The following NELL2 variants were observed in gnomAD, a reference collection of about 807,000 sequenced individuals.
NELL2 encodes the protein protein kinase C-binding protein NELL2.
Under a neutral mutation model 109.6 loss-of-function variants are expected in NELL2, and 41 were observed. The ratio of observed to expected loss-of-function variants is 0.37; its 90% CI spans 0.29 to 0.49. The LOEUF (loss-of-function observed/expected upper bound fraction) is 0.49. NELL2 is among the 20% of genes least tolerant of loss of function. The probability of loss-of-function intolerance (pLI) is 0.98; values close to 1 mark genes in which losing one functional copy is unlikely to be tolerated. For synonymous variants in NELL2, 355 were observed against 344.7 expected, an observed-to-expected ratio of 1.03 and a Z score of -0.33; for missense variants, 900 against 1,008.3, an observed-to-expected ratio of 0.89 and a Z score of 1.45.
At chr12:44,665,680 G>C in intron 12 of NELL2, 71 bp from the exon 13 acceptor site, 1 of 1,456,604 alleles carries the variant, frequency 6.9e-7, no homozygotes, top group Non-Finnish European at 9.2e-7. Flanking sequence ...ATTTTCTTTG[G>C]TAGGGAGAGG....
intron 2 of NELL2, among the ~76,000 whole-genome samples, chr12:44,851,164 A>G (rs1185742896): frequency 6.6e-6 from 1 of 152,150 alleles, no homozygotes; most frequent in African/African-American, 2.4e-5. Context: ...TTATTGCTTT[A>G]TAATAGAAAC....
intron 9 of NELL2, among the ~76,000 whole-genome samples, chr12:44,752,914 A>G (rs1940716098): frequency 6.6e-6 from 1 of 152,120 alleles, no homozygotes; most frequent in African/African-American, 2.4e-5. Flanking sequence ...ACCATTGCAA[A>G]CAGGCAGAAA....
chr12:44,664,702 T>C (rs1947864386), intron 13 of NELL2, among the ~76,000 whole-genome samples: 1 of 152,142 alleles, frequency 6.6e-6, no homozygotes, highest in African/African-American at 2.4e-5. Flanking sequence ...TTTATGATTC[T>C]ACCTGTTTTT....
chr12:44,669,077 CA>C (rs1342374781), intron 12 of NELL2, among the ~76,000 whole-genome samples: 1 of 152,162 alleles, frequency 6.6e-6, no homozygotes, highest in Non-Finnish European at 1.5e-5. Flanking sequence ...AAAGCATCAC[CA>C]AAGCCTCCAC....
intron 9 of NELL2, among the ~76,000 whole-genome samples, chr12:44,764,844 A>AAG (rs1173729028): frequency 1.3e-5 from 2 of 151,842 alleles, no homozygotes; most frequent in Non-Finnish European, 2.9e-5. Flanking sequence ...TAAGATCAAA[A>AAG]AGAGAGAGAG....
chr12:44,563,492 G>C (rs530043906), intron 15 of NELL2, among the ~76,000 whole-genome samples: 2 of 152,120 alleles, frequency 1.3e-5, no homozygotes, highest in Admixed American at 6.5e-5. Flanking sequence ...ACTAATCCTA[G>C]TAAGTCATCA....
intron 15 of NELL2, among the ~76,000 whole-genome samples, chr12:44,584,421 G>T (rs1382880232): frequency 6.6e-6 from 1 of 152,164 alleles, no homozygotes; most frequent in Non-Finnish European, 1.5e-5. Flanking sequence ...GAGACCTCTT[G>T]TTACGACACT....
chr12:44,734,751 T>A (rs1939550705), intron 9 of NELL2, among the ~76,000 whole-genome samples: 1 of 152,064 alleles, frequency 6.6e-6, no homozygotes, highest in South Asian at 2.1e-4. Flanking sequence ...GTTGTATTTT[T>A]AAATTTCTAT....
intron 19 of NELL2, among the ~76,000 whole-genome samples, chr12:44,516,446 AAAT>A (rs1321245240): frequency 6.6e-6 from 1 of 152,190 alleles, no homozygotes; most frequent in Non-Finnish European, 1.5e-5. Context: ...CAGTGCACAA[AAAT>A]AATAATTCCA....
chr12:44,891,853 T>C (rs1945538206), intron 1 of NELL2, among the ~76,000 whole-genome samples: 1 of 152,240 alleles, frequency 6.6e-6, no homozygotes, highest in African/African-American at 2.4e-5. Flanking sequence ...TAGAATATGG[T>C]TCCATCCCCT....
intron 15 of NELL2, among the ~76,000 whole-genome samples, chr12:44,595,467 C>T (rs1029967328): frequency 1.3e-5 from 2 of 151,920 alleles, no homozygotes; most frequent in Non-Finnish European, 2.9e-5. Context: ...CGCTCTGTCG[C>T]CCAGGCTGGA....
At chr12:44,644,226 G>C (rs1946967170) in intron 13 of NELL2, among the ~76,000 whole-genome samples, 1 of 151,988 alleles carries the variant, frequency 6.6e-6, no homozygotes, top group East Asian at 1.9e-4. Context: ...GACAAAATAG[G>C]CTTGCTTTTG....
chr12:44,644,649 T>TATAC (rs143698562), intron 13 of NELL2, among the ~76,000 whole-genome samples: 18,860 of 127,870 alleles, frequency 0.15, 1,979 homozygotes, highest in Non-Finnish European at 0.22. Flanking sequence ...TATATATATA[T>TATAC]ACACACACAC....
intron 9 of NELL2, among the ~76,000 whole-genome samples, chr12:44,728,788 T>C (rs1433058391): frequency 6.6e-6 from 1 of 152,192 alleles, no homozygotes; most frequent in Non-Finnish European, 1.5e-5. Context: ...AGCAGAATTA[T>C]CAATGGAACC....
chr12:44,607,153 GA>G lies in NELL2; in HGVS notation c.1663+15del. 6.3e-7 allele frequency: 1 copy of G among 1,596,772 alleles called. No individual in the cohort carries two copies. The highest frequency in any genetic ancestry group is 8.5e-7 in the Non-Finnish European group (1 of 1,171,102). On this transcript the variant is annotated intron_variant, in intron 15 of 19. Transcript: ENST00000429094. Reference sequence around the variant, plus strand: ...CATAAAAATTCATTTTCTAGAAGATGAAATGATATTCTTACCCGTTTCACAG... The same window carrying G: ...CATAAAAATTCATTTTCTAGAAGATGAATGATATTCTTACCCGTTTCACAG...
chr12:44,681,523 C>A (rs1044875391), intron 12 of NELL2, among the ~76,000 whole-genome samples: 1 of 151,984 alleles, frequency 6.6e-6, no homozygotes, highest in Non-Finnish European at 1.5e-5. Context: ...CCCATTAACT[C>A]GTCATCTAGC....
chr12:44,770,857 T>G (rs930733675), intron 9 of NELL2, among the ~76,000 whole-genome samples: 1 of 152,268 alleles, frequency 6.6e-6, no homozygotes, highest in Middle Eastern at 3.4e-3. Flanking sequence ...CAGAGCTCTG[T>G]ACACAAGCCT....
At chr12:44,812,513 G>C (rs1235255789) in intron 3 of NELL2, among the ~76,000 whole-genome samples, 1 of 152,102 alleles carries the variant, frequency 6.6e-6, no homozygotes, top group Admixed American at 6.6e-5. Flanking sequence ...ATTTGTATAT[G>C]TTTCATTTTA....
At chr12:44,644,604 G>GTATATATATATATATATATACATACA (rs1555190872) in intron 13 of NELL2, among the ~76,000 whole-genome samples, 57 of 81,224 alleles carry the variant, frequency 7.0e-4, no homozygotes, top group African/African-American at 3.2e-3. Flanking sequence ...ATATATATAT[G>GTATATATATATATATATATACATACA]TATGTATATA....
Sources: gnomAD v4.1 joint callset for allele counts (sites outside exome capture counted in the v4.1 genomes callset) on GRCh38, gnomAD v4.1.1 for gene constraint, MANE v1.5 for transcripts, NCBI Gene and HGNC (gene_info 2026-07-23, HGNC 2026-07-21) for gene names.